The following RARB variants were observed in gnomAD, a reference collection of about 807,000 sequenced individuals.
The protein encoded by RARB is retinoic acid receptor beta.
In RARB, 17 loss-of-function variants were observed where a neutral mutation model predicts 51.9. That is an observed-to-expected ratio of 0.33 (90% CI 0.22 to 0.49). The LOEUF (loss-of-function observed/expected upper bound fraction) is 0.49. Ranked by LOEUF, RARB falls within the 20% of genes least tolerant of loss-of-function variation. The probability of loss-of-function intolerance (pLI) is 0.99; values close to 1 mark genes in which losing one functional copy is unlikely to be tolerated. For synonymous variants in RARB, 215 were observed against 195.4 expected, an observed-to-expected ratio of 1.10 and a Z score of -0.84; for missense variants, 369 against 550.8, an observed-to-expected ratio of 0.67 and a Z score of 3.30.
chr3:25,262,475 A>G (rs1434293811), intron 5 of RARB, among the ~76,000 whole-genome samples: 1 of 152,186 alleles, frequency 6.6e-6, no homozygotes, highest in Non-Finnish European at 1.5e-5. Context: ...GCTAACGTCA[A>G]AGCATCAGCA....
At chr3:25,542,400 C>G (rs1699421691) in intron 3 of RARB, among the ~76,000 whole-genome samples, 2 of 152,150 alleles carry the variant, frequency 1.3e-5, no homozygotes, top group African/African-American at 2.4e-5. Context: ...CAATTAAACC[C>G]AATGGGGTAG....
At chr3:24,890,848 T>TA (rs113210748) in intron 2 of RARB, among the ~76,000 whole-genome samples, 10,443 of 151,158 alleles carry the variant, frequency 0.069, 679 homozygotes, top group East Asian at 0.19. Context: ...TCTGGAGTAA[T>TA]AAAAAAAAAT....
At chr3:25,119,406 T>A (rs1434752125) in intron 3 of RARB, among the ~76,000 whole-genome samples, 2 of 152,142 alleles carry the variant, frequency 1.3e-5, no homozygotes, top group Admixed American at 6.6e-5. Flanking sequence ...GTAAGATGAA[T>A]GAAGTAGTAG....
intron 3 of RARB, among the ~76,000 whole-genome samples, chr3:25,064,409 C>T (rs991579828): frequency 3.9e-5 from 6 of 152,096 alleles, no homozygotes; most frequent in Non-Finnish European, 7.4e-5. Context: ...ATGTCCATGA[C>T]ATCAGCAATC....
chr3:25,075,789 T>C (rs964850177), intron 3 of RARB, among the ~76,000 whole-genome samples: 6 of 152,112 alleles, frequency 3.9e-5, no homozygotes, highest in Admixed American at 3.9e-4. Context: ...AGAGAAAGTA[T>C]GGATTTGGGA....
intron 5 of RARB, among the ~76,000 whole-genome samples, chr3:25,418,963 A>T (rs1182742801): frequency 6.6e-6 from 1 of 150,840 alleles, no homozygotes; most frequent in Non-Finnish European, 1.5e-5. Context: ...AAAAAGGCAT[A>T]TAAAAATTGA....
intron 2 of RARB, among the ~76,000 whole-genome samples, chr3:25,042,070 A>T (rs1410621407): frequency 6.6e-6 from 1 of 152,190 alleles, no homozygotes; most frequent in Admixed American, 6.5e-5. Flanking sequence ...TAGGCAGCAC[A>T]TCCCCATCTT....
intron 5 of RARB, among the ~76,000 whole-genome samples, chr3:25,300,738 T>C (rs1257035243): frequency 1.3e-5 from 2 of 151,998 alleles, no homozygotes; most frequent in Non-Finnish European, 2.9e-5. Flanking sequence ...ACCTGTAATC[T>C]CAGCACTTTG....
chr3:24,987,345 TG>T (rs2125431714), intron 2 of RARB, among the ~76,000 whole-genome samples: 1 of 152,266 alleles, frequency 6.6e-6, no homozygotes, highest in South Asian at 2.1e-4. Context: ...GGAATTCTAA[TG>T]GGAAAGTAGT....
chr3:24,905,084 A>G (rs955172073), intron 2 of RARB, among the ~76,000 whole-genome samples: 14 of 152,184 alleles, frequency 9.2e-5, no homozygotes, highest in African/African-American at 2.4e-4. Flanking sequence ...ATGTATACCT[A>G]TGTAACAAAC....
chr3:25,125,462 A>G (rs1188060359), intron 3 of RARB, among the ~76,000 whole-genome samples: 1 of 152,208 alleles, frequency 6.6e-6, no homozygotes, highest in Non-Finnish European at 1.5e-5. Flanking sequence ...CTTAAGTGCT[A>G]TGAAAGGAAA....
At chr3:25,061,753 T>G (rs1401588686) in intron 3 of RARB, among the ~76,000 whole-genome samples, 4 of 151,842 alleles carry the variant, frequency 2.6e-5, no homozygotes, top group African/African-American at 9.7e-5. Context: ...AGTTAAGTGT[T>G]AATAATGACT....
intron 2 of RARB, among the ~76,000 whole-genome samples, chr3:24,985,439 A>C (rs7637426): frequency 0.21 from 32,300 of 151,596 alleles, 3,779 homozygotes; most frequent in South Asian, 0.28. Flanking sequence ...TTTCTGATAA[A>C]CGTCAAGGGA....
chr3:25,173,750 A>T (rs1194663390), intron 4 of RARB, among the ~76,000 whole-genome samples: 1 of 152,216 alleles, frequency 6.6e-6, no homozygotes, highest in African/African-American at 2.4e-5. Flanking sequence ...CTGTTAACAA[A>T]AACACTCTGC....
intron 1 of RARB, among the ~76,000 whole-genome samples, chr3:25,437,755 C>A (rs1046006257): frequency 9.2e-5 from 14 of 152,186 alleles, no homozygotes; most frequent in Non-Finnish European, 1.8e-4. Context: ...AAAAGTAGTT[C>A]ACAAAGGAGT....
intron 2 of RARB, among the ~76,000 whole-genome samples, chr3:25,472,028 C>G (rs925340313): frequency 1.3e-5 from 2 of 152,172 alleles, no homozygotes; most frequent in African/African-American, 4.8e-5. Flanking sequence ...CTATGTAAAA[C>G]CATGGAAATA....
intron 5 of RARB, among the ~76,000 whole-genome samples, chr3:25,320,316 T>A (rs1038664780): frequency 6.6e-6 from 1 of 152,226 alleles, no homozygotes; most frequent in Non-Finnish European, 1.5e-5. Context: ...TGGCTCATAA[T>A]GTCTTATCAC....
intron 1 of RARB, among the ~76,000 whole-genome samples, chr3:25,436,297 G>T (rs573777488): frequency 1.6e-4 from 25 of 152,196 alleles, no homozygotes; most frequent in African/African-American, 5.1e-4. Context: ...ATCCGTTTTG[G>T]TGTACAGAAC....
At chr3:25,403,961 T>C (rs73820474) in intron 5 of RARB, among the ~76,000 whole-genome samples, 4,897 of 148,218 alleles carry the variant, frequency 0.033, 293 homozygotes, top group African/African-American at 0.12. Flanking sequence ...GCTTCCCTAA[T>C]AACTTTTTAC....
Sources: allele counts gnomAD v4.1 joint callset (sites outside exome capture counted in the v4.1 genomes callset), GRCh38; gene constraint gnomAD v4.1.1; transcripts MANE v1.5; gene names NCBI Gene and HGNC (gene_info 2026-07-23, HGNC 2026-07-21).